Variants in BICC1 observed in about 807,000 individuals in gnomAD.
The protein encoded by BICC1 is protein bicaudal C homolog 1.
A neutral mutation model predicts 111.0 loss-of-function variants in BICC1; 43 were observed. The ratio of observed to expected loss-of-function variants is 0.39; its 90% confidence interval spans 0.30 to 0.50. The LOEUF (loss-of-function observed/expected upper bound fraction) is 0.50, where lower values mean the gene tolerates loss of function less well. Among genes scored for constraint, BICC1 ranks in the 20% least tolerant of loss-of-function variants. The pLI, the probability that BICC1 is intolerant of heterozygous loss-of-function variation, is 0.88. For synonymous variants in BICC1, 467 were observed against 434.4 expected (o/e 1.07, Z -0.93); for missense variants, 1,091 against 1,203.2 (o/e 0.91, Z 1.38).
intron 1 of BICC1, among the ~76,000 whole-genome samples, chr10:58,524,764 G>T (rs1299246863): frequency 6.6e-6 from 1 of 152,076 alleles, no homozygotes; most frequent in Admixed American, 6.5e-5. Context: ...TACCATCAGA[G>T]TGAACAGGCA....
In BICC1 at chr10:58,673,961, A is replaced by G. The variant is rs1027989395; in HGVS notation, c.238-28113A>G. Among the ~76,000 whole-genome samples, 7 of 10,676 alleles carry G rather than the reference A, an allele frequency of 6.6e-4. No homozygotes were observed. The Non-Finnish European group carries it at 0.017, about 27-fold the overall frequency. 7.0% of individuals were successfully genotyped at this position (10,676 alleles called of 152,430 possible). On this transcript the variant is annotated intron_variant, in intron 2 of 20. Transcript: ENST00000373886. ...TTCTTTTAATCTATCTCAGGTAAAC[A>G]CTCAAGCTAATAGCTTGCTGGTTGT...
intron 2 of BICC1, among the ~76,000 whole-genome samples, chr10:58,661,417 G>A (rs145336978): frequency 8.5e-4 from 130 of 152,092 alleles, no homozygotes; most frequent in African/African-American, 3.1e-3. Context: ...GAGGGTCACT[G>A]GCCTAGATTA....
Position 58,789,676 on chromosome 10 carries a change from T to G in BICC1, c.796-6T>G. The G allele has an allele frequency of 6.2e-7, 1 of 1,614,030 alleles. No individual in the cohort carries two copies. Among genetic ancestry groups the G allele is most frequent in the Non-Finnish European group, 8.5e-7 (1 of 1,179,936 alleles). On this transcript the variant is annotated splice_region_variant and splice_polypyrimidine_tract_variant and intron_variant, in intron 7 of 20. Transcript: ENST00000373886. ...GGATTATTTCTTTCCCACCCTTTTC[T>G]CTTAGGAAGGAACTGCCATGCTGTT...
intron 3 of BICC1, among the ~76,000 whole-genome samples, chr10:58,717,945 C>T (rs1002873489): frequency 1.3e-5 from 2 of 152,040 alleles, no homozygotes; most frequent in African/African-American, 4.8e-5. Flanking sequence ...AAAAAAAAAA[C>T]AACAACAAAA....
intron 1 of BICC1, among the ~76,000 whole-genome samples, chr10:58,559,914 C>T (rs954123375): frequency 2.6e-5 from 4 of 151,708 alleles, no homozygotes; most frequent in African/African-American, 4.9e-5. Flanking sequence ...GGATAAAGCC[C>T]ACCTGATCAT....
At chr10:58,530,684 CAAAA>C (rs67946394) in intron 1 of BICC1, among the ~76,000 whole-genome samples, 7 of 86,518 alleles carry the variant, frequency 8.1e-5, no homozygotes, top group East Asian at 3.1e-4. Flanking sequence ...ACTTTAAATG[CAAAA>C]AAAAAAAAAA....
rs557193261 is a variant in BICC1, at chr10:58,731,365, C to G, written c.307+29222C>G. On this transcript the variant is annotated intron_variant, in intron 3 of 20. Transcript: ENST00000373886. Reference sequence around the variant, plus strand: ...CTCTAGGAAGTTCCAAACTTCCCTTCATCTTCCCCCTCATCTTCCTGTCTT... The same window carrying G: ...CTCTAGGAAGTTCCAAACTTCCCTTGATCTTCCCCCTCATCTTCCTGTCTT... Among the ~76,000 whole-genome samples the G allele has an allele frequency of 2.0e-5, 3 of 152,312 alleles. No homozygotes were observed. The East Asian group carries it at 5.8e-4, about 29-fold the overall frequency.
intron 3 of BICC1, among the ~76,000 whole-genome samples, chr10:58,707,480 C>T (rs1185386439): frequency 6.6e-6 from 1 of 151,842 alleles, no homozygotes; most frequent in Non-Finnish European, 1.5e-5. Context: ...TAAAATAACC[C>T]AACTAGGTTA....
At chr10:58,655,274 A>C (rs1356597968) in intron 2 of BICC1, among the ~76,000 whole-genome samples, 1 of 139,698 alleles carries the variant, frequency 7.2e-6, no homozygotes, top group Admixed American at 7.3e-5. Flanking sequence ...TACCTTGGGC[A>C]GTTTGGCCAT....
At chr10:58,769,645 G>T (rs1032480000) in intron 3 of BICC1, among the ~76,000 whole-genome samples, 2 of 151,368 alleles carry the variant, frequency 1.3e-5, no homozygotes, top group African/African-American at 4.9e-5. Context: ...ACTACTATTG[G>T]CACAACTATA....
intron 1 of BICC1, among the ~76,000 whole-genome samples, chr10:58,611,174 A>G (rs1013496572): frequency 1.3e-5 from 2 of 152,220 alleles, no homozygotes; most frequent in Non-Finnish European, 2.9e-5. Context: ...TCATTCTCAA[A>G]TAGGAAGGAA....
At chr10:58,662,963 G>A (rs1838889547) in intron 2 of BICC1, among the ~76,000 whole-genome samples, 1 of 151,872 alleles carries the variant, frequency 6.6e-6, no homozygotes, top group Non-Finnish European at 1.5e-5. Context: ...CTGCCACACT[G>A]TAGGCACTCA....
chr10:58,789,960 A>AT (rs1329162975), intron 8 of BICC1, 27 bp downstream of exon 8: 7 of 1,610,804 alleles, frequency 4.3e-6, no homozygotes, highest in Non-Finnish European at 5.9e-6. Context: ...AAGTGTTACA[A>AT]TTTTTTTAAA....
At chr10:58,726,723 G>T (rs1271602490) in intron 3 of BICC1, among the ~76,000 whole-genome samples, 1 of 152,124 alleles carries the variant, frequency 6.6e-6, no homozygotes, top group Non-Finnish European at 1.5e-5. Context: ...TTTTATTTGG[G>T]AGTGACTGGA....
At chr10:58,761,986 T>C (rs1328421654) in intron 3 of BICC1, among the ~76,000 whole-genome samples, 1 of 152,150 alleles carries the variant, frequency 6.6e-6, no homozygotes, top group Non-Finnish European at 1.5e-5. Flanking sequence ...AAATCAGCTT[T>C]GTAGGTATGA....
chr10:58,561,536 AAACC>A (rs1454564070), intron 1 of BICC1, among the ~76,000 whole-genome samples: 7 of 152,010 alleles, frequency 4.6e-5, no homozygotes, highest in Non-Finnish European at 1.0e-4. Flanking sequence ...TGGAGAATTG[AAACC>A]AACCATTTAT....
chr10:58,553,305 A>G (rs1325630763), intron 1 of BICC1, among the ~76,000 whole-genome samples: 1 of 152,212 alleles, frequency 6.6e-6, no homozygotes, highest in Non-Finnish European at 1.5e-5. Flanking sequence ...TCACATTGGC[A>G]GTAAGTGAAA....
chr10:58,574,204 A>G (rs1844043293), intron 1 of BICC1, among the ~76,000 whole-genome samples: 1 of 152,160 alleles, frequency 6.6e-6, no homozygotes, highest in African/African-American at 2.4e-5. Flanking sequence ...ATAATTACAG[A>G]CAGCACAACA....
chr10:58,793,999 G>C (rs531212499), intron 9 of BICC1, among the ~76,000 whole-genome samples: 1 of 152,178 alleles, frequency 6.6e-6, no homozygotes, highest in Non-Finnish European at 1.5e-5. Flanking sequence ...ATTCATTATA[G>C]ATCATCATTT....
Sources: gnomAD v4.1 joint callset for allele counts (sites outside exome capture counted in the v4.1 genomes callset) on GRCh38, gnomAD v4.1.1 for gene constraint, MANE v1.5 for transcripts, NCBI Gene and HGNC (gene_info 2026-07-23, HGNC 2026-07-21) for gene names.